Variants in ASTN2 observed in about 807,000 individuals in gnomAD.
ASTN2 encodes astrotactin 2.
ASTN2 carries 54 observed loss-of-function variants against 139.8 expected under a neutral mutation model. The observed-to-expected ratio is 0.39, with a 90% CI of 0.31 to 0.48. ASTN2 has a LOEUF of 0.48. Among genes scored for constraint, ASTN2 ranks in the 20% least tolerant of loss-of-function variants. The pLI, the probability that ASTN2 is intolerant of heterozygous loss-of-function variation, is 0.95. For missense variants in ASTN2, 1,565 were observed against 1,725.1 expected, an observed-to-expected ratio of 0.91 and a Z score of 1.64; for synonymous variants, 756 against 719.5, an observed-to-expected ratio of 1.05 and a Z score of -0.81.
intron 3 of ASTN2, among the ~76,000 whole-genome samples, chr9:117,200,573 G>C (rs1457827566): frequency 3.9e-5 from 6 of 152,158 alleles, no homozygotes; most frequent in Middle Eastern, 3.4e-3. Flanking sequence ...TAACATGAAG[G>C]GATGTTGAAT....
intron 5 of ASTN2, among the ~76,000 whole-genome samples, chr9:117,047,523 A>G (rs1838780637): frequency 6.6e-6 from 1 of 152,106 alleles, no homozygotes; most frequent in African/African-American, 2.4e-5. Context: ...TTATTTTCAT[A>G]CTTCCAGAGA....
At chr9:116,664,442 T>C (rs1858745117) in intron 16 of ASTN2, among the ~76,000 whole-genome samples, 1 of 148,394 alleles carries the variant, frequency 6.7e-6, no homozygotes, top group African/African-American at 2.4e-5. Context: ...TATATGTATA[T>C]GTATATATGT....
intron 19 of ASTN2, among the ~76,000 whole-genome samples, chr9:116,546,930 AG>A (rs1484080475): frequency 3.3e-5 from 5 of 152,180 alleles, no homozygotes; most frequent in Non-Finnish European, 7.3e-5. Flanking sequence ...TACTTTACCC[AG>A]CTGCCCGCAG....
intron 19 of ASTN2, among the ~76,000 whole-genome samples, chr9:116,532,477 G>C (rs1851400663): frequency 1.3e-5 from 2 of 152,122 alleles, no homozygotes; most frequent in Non-Finnish European, 2.9e-5. Flanking sequence ...ATTTCTTCTA[G>C]GGTTTTTATG....
intron 3 of ASTN2, among the ~76,000 whole-genome samples, chr9:117,144,000 G>C (rs1830133853): frequency 6.6e-6 from 1 of 152,166 alleles, no homozygotes. Context: ...AACTCCCAGT[G>C]TGACTGTATT....
chr9:116,764,306 A>G (rs112420557), intron 13 of ASTN2, among the ~76,000 whole-genome samples: 220 of 152,288 alleles, frequency 1.4e-3, no homozygotes, highest in African/African-American at 4.9e-3. Context: ...ATGACTGGTT[A>G]TTGCAGGAGT....
At chr9:117,050,714 G>T (rs1019870486) in intron 5 of ASTN2, among the ~76,000 whole-genome samples, 1 of 152,008 alleles carries the variant, frequency 6.6e-6, no homozygotes, top group African/African-American at 2.4e-5. Context: ...GTGAATGTAT[G>T]GTGTCTAATG....
intron 19 of ASTN2, among the ~76,000 whole-genome samples, chr9:116,492,085 C>T (rs1433003008): frequency 4.2e-5 from 6 of 143,206 alleles, no homozygotes; most frequent in Admixed American, 1.4e-4. Context: ...GTTTTTCTCT[C>T]TTTTTTTTTT....
At chr9:116,938,925 C>A (rs1031406897) in intron 10 of ASTN2, among the ~76,000 whole-genome samples, 8 of 152,302 alleles carry the variant, frequency 5.3e-5, no homozygotes, top group Admixed American at 5.2e-4. Context: ...ACTTTCTTTA[C>A]TATGTGCCAA....
At chr9:117,132,208 C>G (rs1161697958) in intron 4 of ASTN2, among the ~76,000 whole-genome samples, 1 of 152,108 alleles carries the variant, frequency 6.6e-6, no homozygotes, top group Non-Finnish European at 1.5e-5. Context: ...TTGGATCTCC[C>G]AGGCATGTGA....
At chr9:117,110,701 A>G (rs1399215882) in intron 4 of ASTN2, among the ~76,000 whole-genome samples, 1 of 152,216 alleles carries the variant, frequency 6.6e-6, no homozygotes. Context: ...CATATTTTGG[A>G]AAGAAGTTGA....
At chr9:116,564,458 C>A (rs1448789217) in intron 19 of ASTN2, among the ~76,000 whole-genome samples, 2 of 152,338 alleles carry the variant, frequency 1.3e-5, no homozygotes, top group Non-Finnish European at 2.9e-5. Context: ...TACCCCCATG[C>A]TGGGACAGTT....
rs1200162374 is a variant in ASTN2, at chr9:116,941,680, A to G, written c.1889+33528T>C. Among the ~76,000 whole-genome samples, 4 of 152,140 alleles carry G rather than the reference A, an allele frequency of 2.6e-5. No homozygotes were observed. In the East Asian group the frequency reaches 7.7e-4, roughly 29 times the overall value. On this transcript the variant is annotated intron_variant, in intron 10 of 22. Transcript: ENST00000313400. ...GCATCTCCATGGGCCAGTATAGTTGACATATAAAATTAACCATCACACTCT... is the reference window on the plus strand; with the variant it reads ...GCATCTCCATGGGCCAGTATAGTTGGCATATAAAATTAACCATCACACTCT...
intron 5 of ASTN2, among the ~76,000 whole-genome samples, chr9:117,090,690 A>G (rs1828684477): frequency 6.6e-6 from 1 of 152,192 alleles, no homozygotes; most frequent in African/African-American, 2.4e-5. Flanking sequence ...GGCAGGTGTC[A>G]ACAGCTCCAT....
At chr9:116,860,156 G>T (rs1368008426) in intron 11 of ASTN2, among the ~76,000 whole-genome samples, 1 of 152,256 alleles carries the variant, frequency 6.6e-6, no homozygotes, top group South Asian at 2.1e-4. Flanking sequence ...GGCCTTACAG[G>T]TACATTGGCC....
intron 12 of ASTN2, among the ~76,000 whole-genome samples, chr9:116,814,171 C>G (rs1242604510): frequency 9.9e-5 from 15 of 152,088 alleles, no homozygotes; most frequent in Admixed American, 7.2e-4. Context: ...AAGAAAGGAA[C>G]AGGTTCCTTC....
At chr9:116,788,092 T>C (rs1830425946) in intron 13 of ASTN2, among the ~76,000 whole-genome samples, 1 of 152,134 alleles carries the variant, frequency 6.6e-6, no homozygotes, top group Admixed American at 6.5e-5. Context: ...ATGTTCTCAC[T>C]TGTATGTGGA....
At chr9:117,197,850 A>T (rs960792375) in intron 3 of ASTN2, among the ~76,000 whole-genome samples, 1 of 152,122 alleles carries the variant, frequency 6.6e-6, no homozygotes, top group Admixed American at 6.6e-5. Context: ...AGAATTATAG[A>T]TTGGTAATTT....
chr9:117,271,828 G>A (rs1834072484), intron 2 of ASTN2, among the ~76,000 whole-genome samples: 1 of 152,170 alleles, frequency 6.6e-6, no homozygotes, highest in South Asian at 2.1e-4. Context: ...AACGTCTTGG[G>A]CAGCTCCACC....
Sources: allele counts gnomAD v4.1 joint callset (sites outside exome capture counted in the v4.1 genomes callset), GRCh38; gene constraint gnomAD v4.1.1; transcripts MANE v1.5; gene names NCBI Gene and HGNC (gene_info 2026-07-23, HGNC 2026-07-21).